The following HKDC1 variants were observed in gnomAD, a reference collection of about 807,000 sequenced individuals.
HKDC1 encodes the protein hexokinase HKDC1.
In HKDC1, 66 loss-of-function variants were observed where a neutral mutation model predicts 96.6. That is an observed-to-expected ratio of 0.68 (90% CI 0.56 to 0.84). The LOEUF is 0.84. Among genes scored for constraint, HKDC1 ranks in the 40% least tolerant of loss-of-function variants. The probability of loss-of-function intolerance (pLI) is 0.00; values close to 1 mark genes in which losing one functional copy is unlikely to be tolerated. For missense variants in HKDC1, 1,211 were observed against 1,208.1 expected, an observed-to-expected ratio of 1.00 and a Z score of -0.04; for synonymous variants, 466 against 473.1, an observed-to-expected ratio of 0.98 and a Z score of 0.20.
At chr10:69,230,495 G>A (rs1258592626) in intron 2 of HKDC1, among the ~76,000 whole-genome samples, 1 of 152,208 alleles carries the variant, frequency 6.6e-6, no homozygotes. Flanking sequence ...GGGAGTGAAG[G>A]CACCAGCACC....
intron 7 of HKDC1, among the ~76,000 whole-genome samples, chr10:69,244,830 A>T (rs538030676): frequency 3.1e-4 from 47 of 151,516 alleles, no homozygotes; most frequent in South Asian, 2.5e-3. Context: ...TGTCTCAAAA[A>T]ATATATATAT....
chr10:69,261,281 T>C lies in HKDC1; in HGVS notation c.2359T>C (p.Ser787Pro). The C allele has an allele frequency of 1.2e-6, 2 of 1,613,990 alleles. No individual in the cohort carries two copies. The highest frequency in any genetic ancestry group is 1.7e-6 in the Non-Finnish European group (2 of 1,179,888). Residue 787 changes from serine to proline, a missense_variant, in exon 16 of 18, where the codon TCC becomes CCC. Physicochemically the swap from Ser to Pro is moderately conservative, Grantham distance 74 (BLOSUM62 -1). Transcript: ENST00000354624. The part of the protein sequence containing the change: ...TRGIFETKFL[S>P]QIESDRLALL... Reference sequence around the variant, plus strand: ...GGGCATCTTCGAAACCAAGTTCCTGTCCCAGATCGAAAGGTGACCTGTGAT... The same window carrying C: ...GGGCATCTTCGAAACCAAGTTCCTGCCCCAGATCGAAAGGTGACCTGTGAT...
chr10:69,254,003 T>A (rs1200478789), intron 12 of HKDC1, among the ~76,000 whole-genome samples: 1 of 152,170 alleles, frequency 6.6e-6, no homozygotes, highest in East Asian at 1.9e-4. Flanking sequence ...GCACCAAAGA[T>A]GCACTAAGAT....
At chr10:69,254,758 G>GA (rs956524553) in intron 12 of HKDC1, among the ~76,000 whole-genome samples, 10 of 150,768 alleles carry the variant, frequency 6.6e-5, no homozygotes, top group Non-Finnish European at 5.9e-5. Flanking sequence ...TATTGAATTA[G>GA]AAAAAAAAAT....
intron 5 of HKDC1, among the ~76,000 whole-genome samples, chr10:69,240,042 C>T (rs745748825): frequency 3.9e-4 from 60 of 152,178 alleles, no homozygotes; most frequent in Non-Finnish European, 8.8e-4. Context: ...AAGACTTGGC[C>T]GAGTCTGTGC....
chr10:69,262,075 A>G, intron 16 of HKDC1: 1 of 438,130 alleles, frequency 2.3e-6, no homozygotes, highest in East Asian at 7.3e-5. Context: ...TCAGTCATTG[A>G]TGCATATTGC....
At chr10:69,243,817 G>C (rs1843494394) in intron 7 of HKDC1, among the ~76,000 whole-genome samples, 1 of 152,152 alleles carries the variant, frequency 6.6e-6, no homozygotes, top group Non-Finnish European at 1.5e-5. Flanking sequence ...AAATTTATAA[G>C]GCATTGCTTG....
In HKDC1 at chr10:69,265,806, A is replaced by G. The variant is rs1218804568; in HGVS notation, c.2594A>G (p.Lys865Arg). The change falls in exon 17 of 18, where the codon AAG (lysine) becomes AGG (arginine). Residue 865 changes from lysine to arginine, a missense_variant. Lys to Arg is a conservative substitution (Grantham distance 26). Coordinates refer to ENST00000354624, the MANE Select transcript of HKDC1 (RefSeq NM_025130.4). The part of the protein sequence containing the change: ...ITVGVDGTLY[K>R]LHPHFSRILQ... ...GTGGGTGTGGACGGCACCCTGTACA[A>G]GCTGCACCCTCAGTGAGTGCCCACA... 3 of 1,607,110 alleles carry G rather than the reference A, an allele frequency of 1.9e-6. No individual in the cohort carries two copies. In the Admixed American group the frequency reaches 5.1e-5, roughly 27 times the overall value.
chr10:69,250,354 C>G lies in HKDC1; in HGVS notation c.1635C>G (p.Ile545Met), dbSNP rs1349588624. 6.2e-7 allele frequency: 1 copy of G among 1,613,956 alleles called. No homozygotes were observed. The highest frequency in any genetic ancestry group is 2.2e-5 in the East Asian group (1 of 44,892). Residue 545 changes from isoleucine (I) to methionine (M), a missense_variant, in exon 11 of 18, where the codon ATC (isoleucine) becomes ATG (methionine). Ile to Met is a conservative substitution (Grantham distance 10). Transcript: ENST00000354624. ...GTNFRVLLVK[I>M]RSGRRSVRMY... ...ACTTCCGGGTCCTCCTGGTGAAGAT[C>G]AGAAGTGGACGGAGGTCAGTGCGAA...
intron 4 of HKDC1, among the ~76,000 whole-genome samples, chr10:69,235,560 G>A (rs1843348331): frequency 6.6e-6 from 1 of 152,216 alleles, no homozygotes; most frequent in Non-Finnish European, 1.5e-5. Context: ...TATGTCAGGG[G>A]GTTGGGAATC....
chr10:69,238,953 G>A, intron 4 of HKDC1, 89 bp from the exon 5 acceptor site: 1 of 817,094 alleles, frequency 1.2e-6, no homozygotes, highest in Non-Finnish European at 2.0e-6. Context: ...GAAGGCCATG[G>A]GGGATGCACG....
At chr10:69,245,436 TAGCC>T (rs1414662970) in intron 7 of HKDC1, among the ~76,000 whole-genome samples, 4 of 148,868 alleles carry the variant, frequency 2.7e-5, no homozygotes, top group Admixed American at 1.3e-4. Context: ...ATAAAAAAAT[TAGCC>T]AGGTGTGATG....
intron 2 of HKDC1, among the ~76,000 whole-genome samples, chr10:69,231,925 T>C (rs1589404279): frequency 6.6e-6 from 1 of 152,226 alleles, no homozygotes; most frequent in African/African-American, 2.4e-5. Flanking sequence ...AGCTCCTTTG[T>C]GGCTGATCTG....
intron 2 of HKDC1, among the ~76,000 whole-genome samples, chr10:69,231,254 GA>G (rs1843255895): frequency 6.6e-6 from 1 of 152,140 alleles, no homozygotes; most frequent in Admixed American, 6.6e-5. Flanking sequence ...TTTGTCCCCA[GA>G]ATCTCAGATC....
At chr10:69,259,004 C>T in intron 15 of HKDC1, 45 bp downstream of exon 15, 3 of 1,419,130 alleles carry the variant, frequency 2.1e-6, no homozygotes, top group Non-Finnish European at 2.8e-6. Context: ...GTGTAGTGAA[C>T]AACACTACCA....
intron 1 of HKDC1, among the ~76,000 whole-genome samples, chr10:69,221,104 C>T (rs1336348036): frequency 6.6e-6 from 1 of 151,940 alleles, no homozygotes; most frequent in Non-Finnish European, 1.5e-5. Flanking sequence ...GAGCCGAGAT[C>T]GCGCCATTGC....
At chr10:69,251,808 G>A (rs1346772371) in intron 12 of HKDC1, among the ~76,000 whole-genome samples, 8 of 148,720 alleles carry the variant, frequency 5.4e-5, no homozygotes, top group Non-Finnish European at 8.9e-5. Flanking sequence ...TACTCAGGCT[G>A]GAGTACACTG....
Position 69,257,442 on chromosome 10 carries a change from T to G in HKDC1, c.2032+16T>G. The stretch of plus-strand genomic sequence containing the variant: ...CTGATTGCAGGTAGGTGGTCAGGCA[T>G]GGCCCATTGGCCTAATCCCACTGTA... On this transcript the variant is annotated intron_variant, in intron 14 of 17. Transcript: ENST00000354624. 1 of 1,536,444 alleles carries G rather than the reference T, an allele frequency of 6.5e-7. No homozygotes were observed. Among genetic ancestry groups the G allele is most frequent in the Non-Finnish European group, 9.0e-7 (1 of 1,109,058 alleles).
At chr10:69,249,610 C>T (rs557722095) in intron 10 of HKDC1, among the ~76,000 whole-genome samples, 170 of 152,372 alleles carry the variant, frequency 1.1e-3, no homozygotes, top group Non-Finnish European at 2.0e-3. Flanking sequence ...ATTCTCCTGC[C>T]TCAGCCTCCC....
Sources: gnomAD v4.1 joint callset for allele counts (sites outside exome capture counted in the v4.1 genomes callset) on GRCh38, gnomAD v4.1.1 for gene constraint, MANE v1.5 for transcripts, NCBI Gene and HGNC (gene_info 2026-07-23, HGNC 2026-07-21) for gene names.